Variants in LY6K observed in about 807,000 individuals in gnomAD.
LY6K encodes the protein lymphocyte antigen 6K.
A neutral mutation model predicts 10.4 loss-of-function variants in LY6K; 9 were observed. The ratio of observed to expected loss-of-function variants is 0.87; its 90% CI spans 0.52 to 1.52. The LOEUF (loss-of-function observed/expected upper bound fraction) is 1.52, where lower values mean the gene tolerates loss of function less well. Among genes scored for constraint, LY6K ranks in the 40% most tolerant of loss-of-function variants. The pLI is 0.00. For synonymous variants in LY6K, 98 were observed against 83.7 expected, an observed-to-expected ratio of 1.17 and a Z score of -0.94; for missense variants, 217 against 211.7, an observed-to-expected ratio of 1.02 and a Z score of -0.15.
chr8:142,700,486 G>C lies in LY6K; in HGVS notation c.-42G>C. The C allele has an allele frequency of 6.5e-7, 1 of 1,541,438 alleles. No individual in the cohort carries two copies. Among genetic ancestry groups the C allele is most frequent in the East Asian group, 2.6e-5 (1 of 38,378 alleles). On this transcript the variant is annotated 5_prime_UTR_variant, in exon 1 of 3. Coordinates refer to ENST00000292430, the MANE Select transcript of LY6K (RefSeq NM_017527.4). ...GCGAAGGTTCCAGAAGGGCGGGGAG[G>C]GGGCGCCGCGCGCTGACCCTCCCTG...
intron 2 of LY6K, 142 bp downstream of exon 2, chr8:142,701,855 G>A: frequency 1.6e-6 from 1 of 615,100 alleles, no homozygotes; most frequent in South Asian, 1.9e-5. Context: ...GACGGAGTCA[G>A]GCTGGAGTGC....
chr8:142,700,174 T>G lies in LY6K; in HGVS notation c.-354T>G, dbSNP rs1814940897. ...GATCCCCTACCTGGCCGCCGGCCAC[T>G]TTCTGTGGGCCGTGGGGTCCTCAAG... On this transcript the variant is annotated 5_prime_UTR_variant, in exon 1 of 3. Coordinates refer to ENST00000292430, the MANE Select transcript of LY6K (RefSeq NM_017527.4). 6.4e-6 allele frequency: 2 copies of G among 312,684 alleles called. No homozygotes were observed. Among genetic ancestry groups the G allele is most frequent in the African/African-American group, 4.5e-5 (2 of 44,594 alleles). The allele number at this position is 312,684 out of a possible 1,614,324, so 19.4% of individuals were successfully genotyped here.
chr8:142,704,798 G>A lies in LY6K; in HGVS notation c.*1427G>A, dbSNP rs1815154893. On this transcript the variant is annotated 3_prime_UTR_variant, in exon 3 of 3. Coordinates refer to ENST00000292430, the MANE Select transcript of LY6K (RefSeq NM_017527.4). ...ATTTCATCTCCGGCTATAATTATAT[G>A]AAGAAATGCTTCAGGATCTTGATTC... is the stretch of plus-strand genomic sequence containing the variant. 6.6e-6 allele frequency: 1 copy of A among 152,136 alleles called. No homozygotes were observed. The highest frequency in any genetic ancestry group is 2.1e-4 in the South Asian group (1 of 4,824). The allele number at this position is 152,136 out of a possible 1,614,324, so 9.4% of individuals were successfully genotyped here. A position where few individuals can be genotyped will look rare whatever the true frequency, so the allele number is the denominator to read the frequency against.
chr8:142,700,360 C>T lies in LY6K; in HGVS notation c.-168C>T. The T allele has an allele frequency of 7.5e-7, 1 of 1,331,168 alleles. No homozygotes were observed. The highest frequency in any genetic ancestry group is 1.9e-5 in the South Asian group (1 of 53,726). 82.5% of individuals were successfully genotyped at this position (1,331,168 alleles called of 1,614,324 possible). On this transcript the variant is annotated 5_prime_UTR_variant, in exon 1 of 3. Transcript: ENST00000292430. ...GCGGCCGCGAGGCCCTGAGATGAGG[C>T]TCCAAAGACCCCGACAGGCCCCGGC...
Position 142,703,461 on chromosome 8 carries a change from T to C in LY6K, c.*90T>C. 1 of 1,477,726 alleles carries C rather than the reference T, an allele frequency of 6.8e-7. No individual in the cohort carries two copies. Among genetic ancestry groups the C allele is most frequent in the South Asian group, 1.4e-5 (1 of 73,510 alleles). 91.5% of individuals were successfully genotyped at this position (1,477,726 alleles called of 1,614,324 possible). On this transcript the variant is annotated 3_prime_UTR_variant, in exon 3 of 3. Transcript: ENST00000292430. ...TTGCATTAAACTTGTTTTCTGTTGA[T>C]TACCTCTTGGTTTGACTTCCCAGGG...
Position 142,703,089 on chromosome 8 carries a change from A to G in LY6K, c.218-2A>G. On this transcript the variant is annotated splice_acceptor_variant, in intron 2 of 2. Transcript: ENST00000292430. LOFTEE classifies it high-confidence loss of function. ...CTTCTCTCGGTCTTTATTTCCTATTAGAAATATTTCCACGTTTTTTCATGG... is the reference window on the plus strand; with the variant it reads ...CTTCTCTCGGTCTTTATTTCCTATTGGAAATATTTCCACGTTTTTTCATGG... The G allele has an allele frequency of 6.2e-7, 1 of 1,613,402 alleles. No homozygotes were observed. Among genetic ancestry groups the G allele is most frequent in the African/African-American group, 1.3e-5 (1 of 74,964 alleles).
At chr8:142,700,666 G>C in intron 1 of LY6K, 36 bp downstream of exon 1, 1 of 1,454,686 alleles carries the variant, frequency 6.9e-7, no homozygotes, top group Non-Finnish European at 9.1e-7. Flanking sequence ...CACGGGCCGA[G>C]AGGACAGGGC....
chr8:142,703,368 T>A lies in LY6K; in HGVS notation c.495T>A (p.Ser165=). 1 of 1,608,758 alleles carries A rather than the reference T, an allele frequency of 6.2e-7. No individual in the cohort carries two copies. Among genetic ancestry groups the A allele is most frequent in the Non-Finnish European group, 8.5e-7 (1 of 1,177,996 alleles). Residue 165 remains serine, a synonymous_variant, in exon 3 of 3, where the codon TCT becomes TCA. Coordinates refer to ENST00000292430, the MANE Select transcript of LY6K (RefSeq NM_017527.4). ...CCATTGCAGCCGGCCTCAGCCTGTC[T>A]TGAGCCACGGGACTGCCACAGACTG... ...LASIAAGLSL[S] is the part of the protein sequence containing the mutation.
Position 142,703,848 on chromosome 8 carries a change from G to A in LY6K, c.*477G>A, listed in dbSNP as rs587759287. 143 of 158,072 alleles carry A rather than the reference G, an allele frequency of 9.0e-4. 1 individual carries two copies. The highest frequency in any genetic ancestry group is 3.2e-3 in the African/African-American group (134 of 41,652). 9.8% of individuals were successfully genotyped at this position (158,072 alleles called of 1,614,324 possible). On this transcript the variant is annotated 3_prime_UTR_variant, in exon 3 of 3. Transcript: ENST00000292430. ...CAGCATGGGGGGCAGTGGGGCACAC[G>A]TTAGGGCTGCCCCCATTCCAGTGGT...
chr8:142,701,744 A>G lies in LY6K; in HGVS notation c.217+31A>G, dbSNP rs587627051. 5.2e-4 allele frequency: 760 copies of G among 1,459,490 alleles called. 7 individuals are homozygous for G. The highest frequency in any genetic ancestry group is 1.1e-4 in the Non-Finnish European group (112 of 1,043,100). The allele number at this position is 1,459,490 out of a possible 1,614,324, so 90.4% of individuals were successfully genotyped here. Reference sequence around the variant, plus strand: ...TATCTTCGCTCTTGTTGGGGACCCAAAGGCAGGTGAACAGAGGGCTTTCAG... The same window carrying G: ...TATCTTCGCTCTTGTTGGGGACCCAGAGGCAGGTGAACAGAGGGCTTTCAG... On this transcript the variant is annotated intron_variant, in intron 2 of 2. Coordinates refer to ENST00000292430, the MANE Select transcript of LY6K (RefSeq NM_017527.4).
chr8:142,703,494 ATGGGAG>A lies in LY6K; in HGVS notation c.*124_*129del. 1 of 1,224,474 alleles carries A rather than the reference ATGGGAG, an allele frequency of 8.2e-7. No individual in the cohort carries two copies. Among genetic ancestry groups the A allele is most frequent in the Non-Finnish European group, 1.1e-6 (1 of 899,606 alleles). 75.9% of individuals were successfully genotyped at this position (1,224,474 alleles called of 1,614,324 possible). A position where few individuals can be genotyped will look rare whatever the true frequency, so the allele number is the denominator to read the frequency against. ...TGGTTTGACTTCCCAGGGTCTTGGG[ATGGGAG>A]AGTGGGGATCAGGTGCAGTTGGCTC... is the stretch of plus-strand genomic sequence containing the variant. On this transcript the variant is annotated 3_prime_UTR_variant, in exon 3 of 3. Transcript: ENST00000292430.
At chr8:142,702,991 C>A in intron 2 of LY6K, 100 bp from the exon 3 acceptor site, 1 of 1,562,866 alleles carries the variant, frequency 6.4e-7, no homozygotes, top group African/African-American at 1.4e-5. Flanking sequence ...CACCTTTGAG[C>A]AGGGCCGCCA....
Position 142,703,437 on chromosome 8 carries a change from T to G in LY6K, c.*66T>G. On this transcript the variant is annotated 3_prime_UTR_variant, in exon 3 of 3. Coordinates refer to ENST00000292430, the MANE Select transcript of LY6K (RefSeq NM_017527.4). ...CTCGCTCCAGACCGTTGTCACCTGT[T>G]GCATTAAACTTGTTTTCTGTTGATT... 1 of 1,528,176 alleles carries G rather than the reference T, an allele frequency of 6.5e-7. No homozygotes were observed. The allele number at this position is 1,528,176 out of a possible 1,614,324, so 94.7% of individuals were successfully genotyped here. A position where few individuals can be genotyped will look rare whatever the true frequency, so the allele number is the denominator to read the frequency against.
Position 142,701,627 on chromosome 8 carries a change from A to C in LY6K, c.131A>C (p.His44Pro). ...GAGGGTGACAATAGAGTGTGGTGTC[A>C]TGTTTGTGAGAGAGAAAACACTTTC... The part of the protein sequence containing the change: ...TDEGDNRVWC[H>P]VCERENTFEC... The change falls in exon 2 of 3, where the codon CAT (histidine) becomes CCT (proline). Residue 44 changes from histidine to proline, a missense_variant. Physicochemically the swap from His to Pro is moderately conservative, Grantham distance 77. Coordinates refer to ENST00000292430, the MANE Select transcript of LY6K (RefSeq NM_017527.4). The C allele has an allele frequency of 6.2e-7, 1 of 1,613,344 alleles. No homozygotes were observed. The highest frequency in any genetic ancestry group is 8.5e-7 in the Non-Finnish European group (1 of 1,179,358).
At chr8:142,702,185 C>T (rs1815066760) in intron 2 of LY6K, 2 of 428,170 alleles carry the variant, frequency 4.7e-6, no homozygotes, top group East Asian at 8.5e-5. Flanking sequence ...TAGTGTAAGG[C>T]AGTGCCTGCT....
At position 142,703,214 on chromosome 8, in the gene LY6K, A is replaced by G; in HGVS notation, c.341A>G (p.Lys114Arg). ...LEEPMPFFYL[K>R]CCKIRYCNLE... ...GAGCCCATGCCCTTCTTTTACCTCAAGTGTTGTAAAATTCGCTACTGCAAT... is the reference window on the plus strand; with the variant it reads ...GAGCCCATGCCCTTCTTTTACCTCAGGTGTTGTAAAATTCGCTACTGCAAT... Residue 114 changes from lysine (K) to arginine (R), a missense_variant, in exon 3 of 3, where the codon AAG (lysine) becomes AGG (arginine). Transcript: ENST00000292430. The G allele has an allele frequency of 6.2e-7, 1 of 1,614,162 alleles. No individual in the cohort carries two copies. Among genetic ancestry groups the G allele is most frequent in the Non-Finnish European group, 8.5e-7 (1 of 1,180,028 alleles).
chr8:142,700,576 A>C lies in LY6K; in HGVS notation c.49A>C (p.Thr17Pro). The change falls in exon 1 of 3, where the codon ACA becomes CCA. Residue 17 changes from threonine to proline, a missense_variant. Transcript: ENST00000292430. ...LLVVALPRVW[T>P]DANLTARQRD... ...GGTCGTGGCCCTACCGCGGGTGTGG[A>C]CAGACGCCAACCTGACTGCGAGACA... is the stretch of plus-strand genomic sequence containing the variant. 1 of 1,584,394 alleles carries C rather than the reference A, an allele frequency of 6.3e-7. No homozygotes were observed. Among genetic ancestry groups the C allele is most frequent in the South Asian group, 1.1e-5 (1 of 87,294 alleles).
chr8:142,703,128 C>G lies in LY6K; in HGVS notation c.255C>G (p.Cys85Trp), dbSNP rs1554640426. The G allele has an allele frequency of 7.4e-6, 12 of 1,614,210 alleles. No individual in the cohort carries two copies. Among genetic ancestry groups the G allele is most frequent in the Non-Finnish European group, 1.0e-5 (12 of 1,180,020 alleles). The change falls in exon 3 of 3, where the codon TGC becomes TGG. Residue 85 changes from cysteine (C) to tryptophan (W), a missense_variant. Coordinates refer to ENST00000292430, the MANE Select transcript of LY6K (RefSeq NM_017527.4). ...FPRFFMVAKQ[C>W]SAGCAAMERP... ...GTTTTTTCATGGTTGCGAAGCAGTG[C>G]TCCGCTGGTTGTGCAGCGATGGAGA...
Position 142,700,313 on chromosome 8 carries a change from G to T in LY6K, c.-215G>T. The stretch of plus-strand genomic sequence containing the variant: ...CAACAGCAGCACAAGGCGGGACTCA[G>T]AACCGGCGTTCAGGGCCGCCAGCGG... On this transcript the variant is annotated 5_prime_UTR_variant, in exon 1 of 3. Transcript: ENST00000292430. The T allele has an allele frequency of 1.5e-6, 2 of 1,295,498 alleles. No homozygotes were observed. The highest frequency in any genetic ancestry group is 4.2e-5 in the Admixed American group (1 of 23,664). 80.3% of individuals were successfully genotyped at this position (1,295,498 alleles called of 1,614,324 possible). A position where few individuals can be genotyped will look rare whatever the true frequency, so the allele number is the denominator to read the frequency against.
Sources: gnomAD v4.1 joint callset for allele counts on GRCh38, gnomAD v4.1.1 for gene constraint, MANE v1.5 for transcripts, NCBI Gene and HGNC (gene_info 2026-07-23, HGNC 2026-07-21) for gene names.